FOXP2: variants seen among roughly 807,000 people sequenced by gnomAD.
The protein encoded by FOXP2 is forkhead box P2.
In FOXP2, 12 loss-of-function variants were observed where a neutral mutation model predicts 115.8. The ratio of observed to expected loss-of-function variants is 0.10; its 90% CI spans 0.07 to 0.17. The LOEUF (loss-of-function observed/expected upper bound fraction) is 0.17. FOXP2 is among the 10% of genes least tolerant of loss of function. The pLI, the probability that FOXP2 is intolerant of heterozygous loss-of-function variation, is 1.00. For synonymous variants in FOXP2, 328 were observed against 297.7 expected, an observed-to-expected ratio of 1.10 and a Z score of -1.05; for missense variants, 629 against 843.5, an observed-to-expected ratio of 0.75 and a Z score of 3.15.
chr7:114,301,132 T>C (rs1204259005), intron 2 of FOXP2, among the ~76,000 whole-genome samples: 2 of 152,068 alleles, frequency 1.3e-5, no homozygotes, highest in East Asian at 3.8e-4. Flanking sequence ...ACTTGCAGAA[T>C]AGCCTTAATT....
At chr7:114,428,954 T>C (rs538687095) in intron 2 of FOXP2, among the ~76,000 whole-genome samples, 4 of 151,770 alleles carry the variant, frequency 2.6e-5, no homozygotes, top group African/African-American at 9.6e-5. Flanking sequence ...ATAATTATAA[T>C]GAGCTAATCA....
chr7:114,318,379 G>GTTTT (rs201941261), intron 2 of FOXP2, among the ~76,000 whole-genome samples: 1 of 116,824 alleles, frequency 8.6e-6, no homozygotes, highest in Non-Finnish European at 1.8e-5. Context: ...GTCTCTCTTT[G>GTTTT]TTTTTTTTTT....
At chr7:114,321,293 G>A (rs965175713) in intron 2 of FOXP2, among the ~76,000 whole-genome samples, 2 of 151,806 alleles carry the variant, frequency 1.3e-5, no homozygotes, top group Admixed American at 1.3e-4. Flanking sequence ...CTGCCTCCTG[G>A]GTTCACGCCA....
In FOXP2 at chr7:114,334,551, C is replaced by G. The variant is rs377290291; in HGVS notation, c.-11+46442C>G. Among the ~76,000 whole-genome samples the G allele has an allele frequency of 6.9e-4, 104 of 149,674 alleles. 1 individual carries two copies. The highest frequency in any genetic ancestry group is 2.2e-3 in the African/African-American group (89 of 40,636). ...TTTAAAGAAATAAAGTAACTCCTGA[C>G]AAATCTAGTATTTAGTTTGTGGTAC... On this transcript the variant is annotated intron_variant, in intron 2 of 17. Coordinates refer to the FOXP2 transcript ENST00000634411.
At chr7:114,292,473 GC>G (rs898122573) in intron 2 of FOXP2, among the ~76,000 whole-genome samples, 1 of 151,976 alleles carries the variant, frequency 6.6e-6, no homozygotes, top group Non-Finnish European at 1.5e-5. Flanking sequence ...CCAGAATGTG[GC>G]AAAACCCAAA....
chr7:114,388,462 T>C (rs1792510055), intron 2 of FOXP2, among the ~76,000 whole-genome samples: 1 of 152,058 alleles, frequency 6.6e-6, no homozygotes, highest in Admixed American at 6.6e-5. Context: ...AAGTAGATTG[T>C]TGAATTGTGA....
At chr7:114,307,038 C>T (rs1797031293) in intron 2 of FOXP2, among the ~76,000 whole-genome samples, 1 of 152,070 alleles carries the variant, frequency 6.6e-6, no homozygotes, top group African/African-American at 2.4e-5. Flanking sequence ...TTCCTTTTTG[C>T]TATGTAACAT....
chr7:114,501,324 T>C (rs887014973), intron 2 of FOXP2, among the ~76,000 whole-genome samples: 1 of 152,208 alleles, frequency 6.6e-6, no homozygotes, highest in Non-Finnish European at 1.5e-5. Context: ...TTATTTTTGA[T>C]ACATCTTTAT....
At chr7:114,360,065 G>C (rs1336072257) in intron 2 of FOXP2, among the ~76,000 whole-genome samples, 1 of 152,124 alleles carries the variant, frequency 6.6e-6, no homozygotes, top group Non-Finnish European at 1.5e-5. Flanking sequence ...TGTCATGGGA[G>C]GGATGCGGTG....
intron 1 of FOXP2, among the ~76,000 whole-genome samples, chr7:114,121,538 C>G (rs1455483070): frequency 1.3e-5 from 2 of 152,034 alleles, no homozygotes; most frequent in East Asian, 3.9e-4. Context: ...CTGTAAAATT[C>G]TAATGTAAAC....
chr7:114,484,816 TTATC>T (rs1405940497), intron 2 of FOXP2, among the ~76,000 whole-genome samples: 3 of 151,942 alleles, frequency 2.0e-5, no homozygotes, highest in African/African-American at 7.2e-5. Context: ...AACAAAATCA[TTATC>T]TATTCTACAT....
chr7:114,665,920 A>G (rs1043774684), intron 16 of FOXP2: 2 of 152,110 alleles, frequency 1.3e-5, no homozygotes, highest in South Asian at 2.1e-4. Context: ...ATTAAACATT[A>G]TATTTCAGAA....
intron 2 of FOXP2, chr7:114,297,071 C>A: frequency 2.6e-6 from 1 of 381,436 alleles, no homozygotes. Context: ...TTTTTCCTGT[C>A]AAGCTGCCCT....
intron 1 of FOXP2, among the ~76,000 whole-genome samples, chr7:114,116,019 A>AT (rs1196876310): frequency 3.9e-5 from 6 of 151,904 alleles, no homozygotes; most frequent in Non-Finnish European, 4.4e-5. Flanking sequence ...CATAAATAGA[A>AT]TTTTTTTTGC....
At chr7:114,663,140 A>G (rs1003301730) in intron 14 of FOXP2, among the ~76,000 whole-genome samples, 9 of 152,122 alleles carry the variant, frequency 5.9e-5, no homozygotes, top group African/African-American at 2.2e-4. Flanking sequence ...TTTTGTATGA[A>G]TGTTGCTGTT....
intron 16 of FOXP2, among the ~76,000 whole-genome samples, chr7:114,688,220 CA>C (rs1808472604): frequency 1.4e-5 from 1 of 71,164 alleles, no homozygotes; most frequent in Admixed American, 1.4e-4. Flanking sequence ...CACACACACA[CA>C]CACACACACA....
intron 1 of FOXP2, among the ~76,000 whole-genome samples, chr7:114,216,931 C>T (rs1274585445): frequency 6.6e-6 from 1 of 152,188 alleles, no homozygotes; most frequent in Middle Eastern, 3.4e-3. Context: ...AATATAATAA[C>T]AATATTCTGA....
At chr7:114,584,993 CT>C (rs773138168) in intron 3 of FOXP2, among the ~76,000 whole-genome samples, 6 of 152,050 alleles carry the variant, frequency 3.9e-5, no homozygotes, top group Non-Finnish European at 8.8e-5. Flanking sequence ...ATTTTGTTTG[CT>C]TTTGTTATTC....
At chr7:114,271,335 G>A (rs1479740353) in intron 1 of FOXP2, among the ~76,000 whole-genome samples, 2 of 150,378 alleles carry the variant, frequency 1.3e-5, no homozygotes, top group Non-Finnish European at 3.0e-5. Context: ...AGTGGTGAGT[G>A]GGGACATGCT....
Sources: allele counts gnomAD v4.1 joint callset (sites outside exome capture counted in the v4.1 genomes callset), GRCh38; gene constraint gnomAD v4.1.1; transcripts MANE v1.5; gene names NCBI Gene and HGNC (gene_info 2026-07-23, HGNC 2026-07-21).